The following IPCEF1 variants were observed in gnomAD, a reference collection of about 807,000 sequenced individuals.
The protein encoded by IPCEF1 is interactor protein for cytohesin exchange factors 1.
A neutral mutation model predicts 50.9 loss-of-function variants in IPCEF1; 31 were observed. That is an observed-to-expected ratio of 0.61 (90% CI 0.46 to 0.82). IPCEF1 has a LOEUF of 0.82. Ranked by LOEUF, IPCEF1 falls within the 40% of genes least tolerant of loss-of-function variation. The pLI is 0.00. For missense variants in IPCEF1, 458 were observed against 514.0 expected, an observed-to-expected ratio of 0.89 and a Z score of 1.05; for synonymous variants, 181 against 192.0, an observed-to-expected ratio of 0.94 and a Z score of 0.47.
chr6:154,233,817 C>G (rs1348438395), intron 5 of IPCEF1, among the ~76,000 whole-genome samples: 3 of 152,162 alleles, frequency 2.0e-5, no homozygotes, highest in Non-Finnish European at 4.4e-5. Flanking sequence ...GCTTCTCTGG[C>G]TGCCCTATTC....
At chr6:154,335,124 G>A (rs1783761424) in intron 1 of IPCEF1, among the ~76,000 whole-genome samples, 1 of 151,958 alleles carries the variant, frequency 6.6e-6, no homozygotes, top group African/African-American at 2.4e-5. Flanking sequence ...ACCAGCCTGG[G>A]CAACATAGTG....
intron 5 of IPCEF1, among the ~76,000 whole-genome samples, chr6:154,241,354 G>A (rs1360187650): frequency 6.6e-6 from 1 of 151,354 alleles, no homozygotes; most frequent in Non-Finnish European, 1.5e-5. Context: ...CACACATGGT[G>A]TCAATAAATG....
intron 1 of IPCEF1, among the ~76,000 whole-genome samples, chr6:154,336,219 C>A (rs1783783992): frequency 6.6e-6 from 1 of 152,174 alleles, no homozygotes. Context: ...CCTGTGCTTG[C>A]ATGTTTATTG....
At chr6:154,271,200 A>AG (rs1781894262) in intron 2 of IPCEF1, among the ~76,000 whole-genome samples, 1 of 141,206 alleles carries the variant, frequency 7.1e-6, no homozygotes, top group Non-Finnish European at 1.6e-5. Flanking sequence ...CTCTACAAAA[A>AG]AAAAATAAAT....
chr6:154,303,262 T>C (rs1583967428), intron 1 of IPCEF1, among the ~76,000 whole-genome samples: 1 of 151,982 alleles, frequency 6.6e-6, no homozygotes, highest in Non-Finnish European at 1.5e-5. Flanking sequence ...CGGGTAATCT[T>C]TGTATTTTTA....
chr6:154,309,752 C>G (rs1783028368), intron 1 of IPCEF1, among the ~76,000 whole-genome samples: 1 of 149,270 alleles, frequency 6.7e-6, no homozygotes, highest in African/African-American at 2.5e-5. Flanking sequence ...TTTAGTCACT[C>G]TGCTTTTCTT....
At chr6:154,355,155 G>A (rs554211703) in intron 1 of IPCEF1, among the ~76,000 whole-genome samples, 5 of 152,252 alleles carry the variant, frequency 3.3e-5, no homozygotes, top group Admixed American at 2.6e-4. Flanking sequence ...TGTTCAAAAG[G>A]ATGCACGAGT....
intron 11 of IPCEF1, among the ~76,000 whole-genome samples, chr6:154,167,233 T>C (rs1235983348): frequency 2.2e-4 from 34 of 152,254 alleles, no homozygotes; most frequent in Non-Finnish European, 7.3e-5. Context: ...GTTCATGTTA[T>C]AATCTAAATG....
At chr6:154,227,207 AC>A (rs1779322917) in intron 5 of IPCEF1, among the ~76,000 whole-genome samples, 1 of 152,104 alleles carries the variant, frequency 6.6e-6, no homozygotes, top group African/African-American at 2.4e-5. Flanking sequence ...CTGTCTCAAA[AC>A]AAACAAACAA....
At chr6:154,263,299 A>G (rs1293951735) in intron 3 of IPCEF1, among the ~76,000 whole-genome samples, 5 of 126,604 alleles carry the variant, frequency 3.9e-5, no homozygotes, top group South Asian at 2.5e-4. Flanking sequence ...GCAGAGGGGG[A>G]TTTGGCAGGG....
chr6:154,321,803 A>T (rs952667222), intron 1 of IPCEF1, among the ~76,000 whole-genome samples: 2 of 148,422 alleles, frequency 1.3e-5, no homozygotes, highest in East Asian at 3.9e-4. Context: ...AAAAAAAAAA[A>T]AAACCAAGGA....
intron 9 of IPCEF1, among the ~76,000 whole-genome samples, chr6:154,201,385 T>A (rs1009867591): frequency 6.6e-6 from 1 of 152,228 alleles, no homozygotes; most frequent in Admixed American, 6.5e-5. Flanking sequence ...TCTCTTTTCC[T>A]TTCTTTAATG....
At chr6:154,245,701 C>T (rs1780976538) in intron 5 of IPCEF1, among the ~76,000 whole-genome samples, 1 of 152,120 alleles carries the variant, frequency 6.6e-6, no homozygotes, top group Non-Finnish European at 1.5e-5. Flanking sequence ...TGACTAAAGG[C>T]CCTCCAGTGC....
At chr6:154,258,114 T>A (rs1173433763) in intron 3 of IPCEF1, among the ~76,000 whole-genome samples, 1 of 152,248 alleles carries the variant, frequency 6.6e-6, no homozygotes, top group Non-Finnish European at 1.5e-5. Flanking sequence ...TCCTCTGAGA[T>A]CCAGGTCAAA....
chr6:154,298,371 A>G (rs1253534205), intron 1 of IPCEF1, among the ~76,000 whole-genome samples: 1 of 152,210 alleles, frequency 6.6e-6, no homozygotes, highest in African/African-American at 2.4e-5. Flanking sequence ...GGTCCCCAAA[A>G]TGTCTTTGCA....
intron 4 of IPCEF1, 139 bp from the exon 5 acceptor site, chr6:154,246,899 A>C: frequency 1.2e-6 from 1 of 862,778 alleles, no homozygotes. Context: ...ACCAAGATTT[A>C]TGCAAAGCCT....
chr6:154,239,888 A>AG (rs34393436), intron 5 of IPCEF1, among the ~76,000 whole-genome samples: 1 of 152,042 alleles, frequency 6.6e-6, no homozygotes, highest in African/African-American at 2.4e-5. Flanking sequence ...TTTTTAGTAG[A>AG]GGGGGGTTTC....
chr6:154,194,163 G>A (rs767162245), intron 10 of IPCEF1, among the ~76,000 whole-genome samples: 4 of 152,236 alleles, frequency 2.6e-5, no homozygotes, highest in African/African-American at 4.8e-5. Context: ...AATTTGGGAG[G>A]CCGAGGCGGG....
intron 11 of IPCEF1, among the ~76,000 whole-genome samples, chr6:154,161,116 TC>T (rs1217562223): frequency 1.3e-5 from 2 of 152,216 alleles, no homozygotes; most frequent in Non-Finnish European, 2.9e-5. Context: ...TGAAGAATCT[TC>T]CTTGCCTTTC....
Sources: allele counts gnomAD v4.1 joint callset (sites outside exome capture counted in the v4.1 genomes callset), GRCh38; gene constraint gnomAD v4.1.1; transcripts MANE v1.5; gene names NCBI Gene and HGNC (gene_info 2026-07-23, HGNC 2026-07-21).